The following SLC5A10 variants were observed in gnomAD, a reference collection of about 807,000 sequenced individuals.
SLC5A10 encodes the protein solute carrier family 5 member 10.
A neutral mutation model predicts 68.9 loss-of-function variants in SLC5A10; 55 were observed. That is an observed-to-expected ratio of 0.80 (90% confidence interval 0.64 to 1.00). The LOEUF (loss-of-function observed/expected upper bound fraction) is 1.00. Among genes scored for constraint, SLC5A10 ranks in the 50% least tolerant of loss-of-function variants. The pLI, the probability that SLC5A10 is intolerant of heterozygous loss-of-function variation, is 0.00. For synonymous variants in SLC5A10, 344 were observed against 344.8 expected, an observed-to-expected ratio of 1.00 and a Z score of 0.02; for missense variants, 732 against 819.3, an observed-to-expected ratio of 0.89 and a Z score of 1.30.
At position 19,013,448 on chromosome 17, in the gene SLC5A10, G is replaced by A; in HGVS notation, c.1021G>A (p.Ala341Thr). Reference sequence around the variant, plus strand: ...CGTGGTGCCGTCCGAGTGCCTGCGGGCCTGCGGGGCCGAGGTCGGCTGCTC... The same window carrying A: ...CGTGGTGCCGTCCGAGTGCCTGCGGACCTGCGGGGCCGAGGTCGGCTGCTC... ...GCVVPSECLR[A>T]CGAEVGCSNI... The change falls in exon 10 of 15, where the codon GCC (alanine) becomes ACC (threonine). Residue 341 changes from alanine to threonine, a missense_variant. Coordinates refer to ENST00000395645, the MANE Select transcript of SLC5A10 (RefSeq NM_001042450.4). 1 of 1,605,396 alleles carries A rather than the reference G, an allele frequency of 6.2e-7. No individual in the cohort carries two copies. The highest frequency in any genetic ancestry group is 8.5e-7 in the Non-Finnish European group (1 of 1,175,814).
At chr17:18,967,219 G>C (rs2042729082) in intron 5 of SLC5A10, among the ~76,000 whole-genome samples, 1 of 152,324 alleles carries the variant, frequency 6.6e-6, no homozygotes, top group East Asian at 1.9e-4. Context: ...ACGTTCACTG[G>C]ATGCCATGTA....
intron 7 of SLC5A10, 31 bp downstream of exon 7, chr17:18,969,453 C>T (rs1219499447): frequency 6.3e-7 from 1 of 1,597,540 alleles, no homozygotes; most frequent in Non-Finnish European, 8.6e-7. Flanking sequence ...CATGGCGGGG[C>T]TGTCCCCACA....
chr17:18,968,965 G>C lies in SLC5A10; in HGVS notation c.454-87G>C. 1.5e-6 allele frequency: 2 copies of C among 1,328,640 alleles called. No homozygotes were observed. Among genetic ancestry groups the C allele is most frequent in the South Asian group, 1.4e-5 (1 of 71,756 alleles). The allele number at this position is 1,328,640 out of a possible 1,614,324, so 82.3% of individuals were successfully genotyped here. A position where few individuals can be genotyped will look rare whatever the true frequency, so the allele number is the denominator to read the frequency against. ...CTTATCCACAGGCCACCGAGGCCCA[G>C]AGAGGGCCTTGCCCGAGGTCACCCA... On this transcript the variant is annotated intron_variant, in intron 5 of 14. Transcript: ENST00000395645. This position sits in a 1 kb window ranked among gnomAD's most constrained non-coding sequence, Gnocchi z 4.1.
chr17:18,958,122 G>T (rs2042539856), intron 1 of SLC5A10, among the ~76,000 whole-genome samples: 1 of 152,208 alleles, frequency 6.6e-6, no homozygotes. Flanking sequence ...CCAGGCTGCA[G>T]TGCAGTGGCA....
intron 1 of SLC5A10, 187 bp downstream of exon 1, chr17:18,952,503 T>C: frequency 1.6e-6 from 1 of 628,036 alleles, no homozygotes; most frequent in Non-Finnish European, 2.7e-6. Context: ...CGTTTCTCTC[T>C]TTGGGTAATG....
chr17:18,952,913 G>A (rs2042401988), intron 1 of SLC5A10, among the ~76,000 whole-genome samples: 1 of 152,152 alleles, frequency 6.6e-6, no homozygotes, highest in Non-Finnish European at 1.5e-5. Flanking sequence ...TTCATGTGCA[G>A]ATGGAGAAAC....
rs199770299 is a variant in SLC5A10 at position 18,978,283 on chromosome 17, C to T, written c.982+1294C>T. On this transcript the variant is annotated intron_variant, in intron 9 of 14. Transcript: ENST00000395645. ...GCCTGCTGTCCTGGCTCTGCTTCCACAGCTGGTGCTGGGCGCTGGCCTGGG... is the reference window on the plus strand; with the variant it reads ...GCCTGCTGTCCTGGCTCTGCTTCCATAGCTGGTGCTGGGCGCTGGCCTGGG... 247 of 1,610,490 alleles carry T rather than the reference C, an allele frequency of 1.5e-4. 1 individual carries two copies. In the East Asian group the frequency reaches 3.1e-3, roughly 20 times the overall value.
chr17:18,968,907 T>TGCAG lies in SLC5A10; in HGVS notation c.454-134_454-131dup. ...CCCCAACCTCACAATGGCCCCGTGA[T>TGCAG]GCAGGCAGGCAGGCGAGTGGGGGTC... On this transcript the variant is annotated intron_variant, in intron 5 of 14. Coordinates refer to ENST00000395645, the MANE Select transcript of SLC5A10 (RefSeq NM_001042450.4). The surrounding 1 kb of genome is among the most constrained non-coding windows in gnomAD (Gnocchi z 4.1). 3 of 674,612 alleles carry TGCAG rather than the reference T, an allele frequency of 4.4e-6. No homozygotes were observed. The East Asian group carries it at 8.4e-5, about 19-fold the overall frequency. 41.8% of individuals were successfully genotyped at this position (674,612 alleles called of 1,614,324 possible). A position where few individuals can be genotyped will look rare whatever the true frequency, so the allele number is the denominator to read the frequency against.
At chr17:18,954,081 T>C (rs1379003102) in intron 1 of SLC5A10, 1 of 152,266 alleles carries the variant, frequency 6.6e-6, no homozygotes, top group African/African-American at 2.4e-5. Flanking sequence ...GCAGCCCACA[T>C]CTCAGGGCTG....
chr17:18,977,861 C>G (rs577449943), intron 9 of SLC5A10: 1 of 1,610,922 alleles, frequency 6.2e-7, no homozygotes, highest in Non-Finnish European at 8.5e-7. Context: ...GCCAGGGCCA[C>G]GGCCGGAGCT....
chr17:18,977,474 T>G (rs1439441080), intron 9 of SLC5A10: 1 of 1,107,208 alleles, frequency 9.0e-7, no homozygotes, highest in Non-Finnish European at 1.3e-6. Context: ...ACAAGGGAAT[T>G]GAAGTCATCA....
At position 19,003,277 on chromosome 17, in the gene SLC5A10, G is replaced by C. The variant is rs184620003; in HGVS notation, c.983-10133G>C. ...CAGAAACACCCTCCAACAATAAAGA[G>C]GCCCTTTGAGACGGGGCAGCCCACT... On this transcript the variant is annotated intron_variant, in intron 9 of 14. Transcript: ENST00000395645. This position sits in a 1 kb window ranked among gnomAD's most constrained non-coding sequence, Gnocchi z 4.5. Among the ~76,000 whole-genome samples the C allele has an allele frequency of 7.2e-4, 109 of 151,664 alleles. 3 individuals are homozygous for C. The South Asian group carries it at 0.012, about 17-fold the overall frequency.
At chr17:18,972,939 C>T (rs1376346939) in intron 8 of SLC5A10, among the ~76,000 whole-genome samples, 2 of 152,176 alleles carry the variant, frequency 1.3e-5, no homozygotes, top group Non-Finnish European at 2.9e-5. Context: ...GCCTCAGTTT[C>T]CCCATCTGTA....
chr17:18,950,775 G>A (rs1180633243), upstream of SLC5A10: 1 of 817,228 alleles, frequency 1.2e-6, no homozygotes, highest in Non-Finnish European at 1.5e-6. Flanking sequence ...GACTGCAATG[G>A]CGCAGTCTTG....
upstream of SLC5A10, chr17:18,950,728 T>C: frequency 1.0e-6 from 1 of 982,992 alleles, no homozygotes; most frequent in Non-Finnish European, 1.2e-6. Context: ...TTGTTGTTTG[T>C]TTTGTGAGAT....
At chr17:18,955,524 G>A (rs986825720) in intron 1 of SLC5A10, among the ~76,000 whole-genome samples, 1 of 152,220 alleles carries the variant, frequency 6.6e-6, no homozygotes, top group African/African-American at 2.4e-5. Flanking sequence ...AGCCCCCAGA[G>A]CCCCAGATAT....
chr17:18,959,063 G>GA, intron 2 of SLC5A10, 72 bp from the exon 3 acceptor site: 1 of 1,436,080 alleles, frequency 7.0e-7, no homozygotes, highest in Non-Finnish European at 9.6e-7. Context: ...GGATGAGGGA[G>GA]AAGCTATTAG....
chr17:18,963,584 C>T (rs528974651), intron 5 of SLC5A10, among the ~76,000 whole-genome samples: 1 of 152,264 alleles, frequency 6.6e-6, no homozygotes, highest in Non-Finnish European at 1.5e-5. Flanking sequence ...GTGCACGCGC[C>T]CAGGCGGTCC....
At chr17:18,984,600 G>A (rs556118906) in intron 9 of SLC5A10, among the ~76,000 whole-genome samples, 2 of 152,224 alleles carry the variant, frequency 1.3e-5, no homozygotes, top group African/African-American at 4.8e-5. Flanking sequence ...TTGCCCAGGG[G>A]CTGCTGGTAT....
Sources: allele counts gnomAD v4.1 joint callset (sites outside exome capture counted in the v4.1 genomes callset), GRCh38; gene constraint gnomAD v4.1.1; non-coding constraint Gnocchi (gnomAD v3.1); transcripts MANE v1.5; gene names NCBI Gene and HGNC (gene_info 2026-07-23, HGNC 2026-07-21).